Variants in FRMPD4 observed in about 807,000 individuals in gnomAD.
FRMPD4 encodes the protein FERM and PDZ domain-containing protein 4.
A neutral mutation model predicts 94.1 loss-of-function variants in FRMPD4; 22 were observed. The ratio of observed to expected loss-of-function variants is 0.23; its 90% CI spans 0.17 to 0.33. The LOEUF is 0.33. FRMPD4 is among the 10% of genes least tolerant of loss of function. The pLI is 1.00. For missense variants in FRMPD4, 1,111 were observed against 1,339.9 expected, an observed-to-expected ratio of 0.83 and a Z score of 2.67; for synonymous variants, 631 against 548.6, an observed-to-expected ratio of 1.15 and a Z score of -2.10.
intron 1 of FRMPD4, among the ~76,000 whole-genome samples, chrX:12,422,168 C>T (rs2056892099): frequency 8.9e-6 from 1 of 112,212 alleles, no homozygotes; most frequent in South Asian, 3.7e-4. Flanking sequence ...ATCACCACCT[C>T]CTGTGTCTCT....
At chrX:12,075,390 A>G (rs925662078) in intron 3 of FRMPD4, among the ~76,000 whole-genome samples, 6 of 111,925 alleles carry the variant, frequency 5.4e-5, no homozygotes, top group Admixed American at 1.9e-4. Flanking sequence ...CCTTCTGCTC[A>G]ATTTTTGCTG....
At chrX:12,073,205 C>T (rs2054984208) in intron 3 of FRMPD4, among the ~76,000 whole-genome samples, 1 of 111,318 alleles carries the variant, frequency 9.0e-6, no homozygotes, top group Non-Finnish European at 1.9e-5. Flanking sequence ...CACTCTTGCA[C>T]ATCCTCCTTG....
Position 12,293,615 on chromosome X carries a change from G to A in FRMPD4, c.41+154603G>A, listed in dbSNP as rs749168087. On this transcript the variant is annotated intron_variant, in intron 1 of 16. Coordinates refer to ENST00000675598, the MANE Select transcript of FRMPD4 (RefSeq NM_001368397.1). ...TATTAGGTAATTTTGCTTGAATTTG[G>A]TGCAAGTCAGCCTGTGCTTTTTAAG... 2.7e-5 allele frequency among the ~76,000 whole-genome samples: 3 copies of A among 112,605 alleles called. No homozygotes were observed. In the East Asian group the frequency reaches 8.3e-4, roughly 31 times the overall value.
intron 3 of FRMPD4, among the ~76,000 whole-genome samples, chrX:12,034,666 TG>T (rs2054710647): frequency 8.9e-6 from 1 of 112,070 alleles, no homozygotes; most frequent in Non-Finnish European, 1.9e-5. Context: ...TTTTTTTTAC[TG>T]GGAAGGTACA....
chrX:12,604,776 G>A (rs2059115031), intron 2 of FRMPD4, among the ~76,000 whole-genome samples: 1 of 111,483 alleles, frequency 9.0e-6, no homozygotes. Flanking sequence ...ATTAAGCCTA[G>A]TACCCATTAG....
At chrX:12,094,317 T>C (rs1156793643) in intron 3 of FRMPD4, among the ~76,000 whole-genome samples, 2 of 112,503 alleles carry the variant, frequency 1.8e-5, no homozygotes, top group Non-Finnish European at 3.7e-5. Context: ...GACTGGTGGA[T>C]ATTAATATTA....
chrX:12,366,845 T>C (rs1446956968), intron 1 of FRMPD4, among the ~76,000 whole-genome samples: 2 of 111,655 alleles, frequency 1.8e-5, no homozygotes, highest in Non-Finnish European at 3.8e-5. Context: ...TGAATGGGGC[T>C]GAGTGTATAG....
At chrX:12,660,673 T>A (rs2059704363) in intron 4 of FRMPD4, among the ~76,000 whole-genome samples, 1 of 112,391 alleles carries the variant, frequency 8.9e-6, no homozygotes, top group South Asian at 3.7e-4. Flanking sequence ...ATGTTCTAGT[T>A]ATCTATTGCA....
chrX:12,256,167 T>C (rs1029587972), intron 1 of FRMPD4, among the ~76,000 whole-genome samples: 8 of 111,859 alleles, frequency 7.2e-5, no homozygotes, highest in African/African-American at 2.6e-4. Context: ...GGTTGACCTC[T>C]TTGGATTTCT....
At chrX:12,362,848 C>T (rs2056016725) in intron 1 of FRMPD4, among the ~76,000 whole-genome samples, 2 of 111,815 alleles carry the variant, frequency 1.8e-5, no homozygotes, top group Admixed American at 9.4e-5. Flanking sequence ...CCTGTTTCTC[C>T]ACATCCTCTC....
At position 12,225,648 on chromosome X, in the gene FRMPD4, G is replaced by A. The variant is rs1340587750; in HGVS notation, c.41+86636G>A. Among the ~76,000 whole-genome samples the A allele has an allele frequency of 6.3e-5, 7 of 111,818 alleles. No individual in the cohort carries two copies. In the Admixed American group the frequency reaches 6.7e-4, roughly 11 times the overall value. ...ATTAGATGGAGCTAGCCAGGGATTG[G>A]GTTTTGTGGTTACAGCTCTACTTCT... On this transcript the variant is annotated intron_variant, in intron 1 of 16. Transcript: ENST00000675598.
At chrX:12,381,656 T>A (rs923585888) in intron 1 of FRMPD4, among the ~76,000 whole-genome samples, 2 of 111,981 alleles carry the variant, frequency 1.8e-5, no homozygotes, top group African/African-American at 6.5e-5. Flanking sequence ...AGCGGGACTT[T>A]CCAGAAGACC....
At chrX:11,914,291 CTTT>C (rs57258573) in intron 3 of FRMPD4, among the ~76,000 whole-genome samples, 3 of 89,213 alleles carry the variant, frequency 3.4e-5, no homozygotes, top group Non-Finnish European at 2.2e-5. Context: ...ACTTTTTTTT[CTTT>C]TTTTTTTTTT....
At chrX:12,274,706 G>C (rs1374813659) in intron 1 of FRMPD4, among the ~76,000 whole-genome samples, 1 of 112,416 alleles carries the variant, frequency 8.9e-6, no homozygotes, top group East Asian at 2.8e-4. Flanking sequence ...GAGCATGTTC[G>C]GGAGATAAAA....
chrX:12,593,876 A>G (rs759570924), intron 2 of FRMPD4, among the ~76,000 whole-genome samples: 2 of 111,820 alleles, frequency 1.8e-5, no homozygotes, highest in Non-Finnish European at 3.8e-5. Flanking sequence ...TTGAAAACTT[A>G]TGATAGCCCT....
rs148271140 is a variant in FRMPD4, at chrX:12,454,979, A to C, written c.42-43701A>C. On this transcript the variant is annotated intron_variant, in intron 1 of 16. Coordinates refer to ENST00000675598, the MANE Select transcript of FRMPD4 (RefSeq NM_001368397.1). ...GTGAAAACAACTTATAAATTCTGTA[A>C]CATTACACACATTATCCTATTATTT... Among the ~76,000 whole-genome samples the C allele has an allele frequency of 2.2e-3, 245 of 110,899 alleles. 3 individuals carry two copies. Among genetic ancestry groups the C allele is most frequent in the Admixed American group, 0.018 (191 of 10,415 alleles).
intron 3 of FRMPD4, among the ~76,000 whole-genome samples, chrX:12,112,986 C>A (rs1264483678): frequency 8.9e-6 from 1 of 111,780 alleles, no homozygotes; most frequent in Non-Finnish European, 1.9e-5. Flanking sequence ...CAACCAGATT[C>A]ACCCTTAAGT....
At chrX:12,646,158 C>T (rs2059545936) in intron 4 of FRMPD4, among the ~76,000 whole-genome samples, 1 of 112,377 alleles carries the variant, frequency 8.9e-6, no homozygotes, top group Non-Finnish European at 1.9e-5. Context: ...CCAATGGATA[C>T]ATACTTTTGA....
intron 13 of FRMPD4, 120 bp downstream of exon 13, chrX:12,707,771 G>A: frequency 1.8e-6 from 1 of 548,197 alleles, no homozygotes; most frequent in African/African-American, 2.3e-5. Flanking sequence ...ATGCAATGTG[G>A]TGCAGAAAAT....
Sources: gnomAD v4.1 joint callset for allele counts (sites outside exome capture counted in the v4.1 genomes callset) on GRCh38, gnomAD v4.1.1 for gene constraint, MANE v1.5 for transcripts, NCBI Gene and HGNC (gene_info 2026-07-23, HGNC 2026-07-21) for gene names.